Variants in DENND1A observed in about 807,000 individuals in gnomAD.
The protein encoded by DENND1A is DENN domain-containing protein 1A.
Under a neutral mutation model 113.7 loss-of-function variants are expected in DENND1A, and 51 were observed. The ratio of observed to expected loss-of-function variants is 0.45; its 90% CI spans 0.36 to 0.57. The LOEUF is 0.57. DENND1A is among the 20% of genes least tolerant of loss of function. The pLI, the probability that DENND1A is intolerant of heterozygous loss-of-function variation, is 0.00. For synonymous variants in DENND1A, 565 were observed against 570.8 expected (o/e 0.99, Z 0.14); for missense variants, 1,258 against 1,395.9 (o/e 0.90, Z 1.57).
At chr9:123,670,127 T>C (rs2063693945) in intron 7 of DENND1A, among the ~76,000 whole-genome samples, 1 of 152,236 alleles carries the variant, frequency 6.6e-6, no homozygotes, top group Admixed American at 6.5e-5. Flanking sequence ...AGATCTATTA[T>C]TAATTACTGG....
At chr9:123,394,743 T>C (rs528010353) in intron 21 of DENND1A, among the ~76,000 whole-genome samples, 34 of 152,314 alleles carry the variant, frequency 2.2e-4, no homozygotes, top group Non-Finnish European at 3.2e-4. Flanking sequence ...GGCTTCAGGC[T>C]CTGCGGTGGA....
chr9:123,398,063 G>C (rs986983807), intron 21 of DENND1A, among the ~76,000 whole-genome samples: 7 of 152,254 alleles, frequency 4.6e-5, no homozygotes, highest in South Asian at 2.1e-4. Flanking sequence ...TCCACAACCA[G>C]CTGCAAGCCC....
chr9:123,419,912 T>C (rs1468413805), intron 19 of DENND1A, among the ~76,000 whole-genome samples: 1 of 152,176 alleles, frequency 6.6e-6, no homozygotes, highest in Non-Finnish European at 1.5e-5. Context: ...ACTTCAGAGC[T>C]TCAGCCAGGG....
rs529574102 is a variant in DENND1A at position 123,720,338 on chromosome 9, T to C, written c.302+37365A>G. On this transcript the variant is annotated intron_variant, in intron 5 of 23. Transcript: ENST00000394215. ...AGGGCTCCGAGGGAAAATGCTCTTATTCTTTAATGGAGGAGGGTCTGTGCA... is the reference window on the plus strand; with the variant it reads ...AGGGCTCCGAGGGAAAATGCTCTTACTCTTTAATGGAGGAGGGTCTGTGCA... Among the ~76,000 whole-genome samples the C allele has an allele frequency of 3.3e-5, 5 of 152,280 alleles. No individual in the cohort carries two copies. The East Asian group carries it at 7.7e-4, about 24-fold the overall frequency.
At chr9:123,519,698 G>T (rs2054233185) in intron 13 of DENND1A, among the ~76,000 whole-genome samples, 1 of 152,020 alleles carries the variant, frequency 6.6e-6, no homozygotes, top group Non-Finnish European at 1.5e-5. Flanking sequence ...GATTACAGAT[G>T]TGAGCCACCA....
chr9:123,804,362 GA>G (rs1835191102), intron 2 of DENND1A, among the ~76,000 whole-genome samples: 1 of 152,180 alleles, frequency 6.6e-6, no homozygotes, highest in Non-Finnish European at 1.5e-5. Context: ...ATAGCAGCAT[GA>G]AAATGGACCA....
chr9:123,394,078 G>A (rs143345943), intron 21 of DENND1A, among the ~76,000 whole-genome samples: 2,938 of 151,706 alleles, frequency 0.019, 53 homozygotes, highest in African/African-American at 0.04. Context: ...TGCAACCTCC[G>A]CCTCATGTGT....
At chr9:123,800,981 G>A (rs902369466) in intron 2 of DENND1A, among the ~76,000 whole-genome samples, 8 of 152,116 alleles carry the variant, frequency 5.3e-5, no homozygotes, top group Non-Finnish European at 8.8e-5. Flanking sequence ...ATACAGGAGA[G>A]ACAATGCGGA....
chr9:123,729,577 G>A (rs967152662), intron 5 of DENND1A, among the ~76,000 whole-genome samples: 1 of 152,104 alleles, frequency 6.6e-6, no homozygotes, highest in Non-Finnish European at 1.5e-5. Context: ...TCTTCAAGGA[G>A]AACTACAAAC....
chr9:123,590,499 A>G (rs775867058), intron 11 of DENND1A, among the ~76,000 whole-genome samples: 4 of 152,164 alleles, frequency 2.6e-5, no homozygotes, highest in African/African-American at 7.2e-5. Context: ...TCCTTGATAA[A>G]TGGGGGATGA....
At chr9:123,687,160 A>G (rs144125945) in intron 5 of DENND1A, among the ~76,000 whole-genome samples, 79 of 152,322 alleles carry the variant, frequency 5.2e-4, no homozygotes, top group South Asian at 1.2e-3. Flanking sequence ...AAAGTAGGAT[A>G]TGAATGAAGC....
intron 2 of DENND1A, among the ~76,000 whole-genome samples, chr9:123,841,763 A>G (rs896531432): frequency 1.3e-5 from 2 of 152,136 alleles, no homozygotes; most frequent in East Asian, 3.8e-4. Flanking sequence ...GAGAAGAAAT[A>G]CCTAGTTTTT....
chr9:123,600,836 A>C (rs1270000318), intron 11 of DENND1A, among the ~76,000 whole-genome samples: 1 of 151,888 alleles, frequency 6.6e-6, no homozygotes, highest in Non-Finnish European at 1.5e-5. Context: ...ATCATAAAAA[A>C]AAAAAAGGTG....
At chr9:123,450,208 G>A (rs1588591058) in intron 18 of DENND1A, among the ~76,000 whole-genome samples, 1 of 152,180 alleles carries the variant, frequency 6.6e-6, no homozygotes, top group Non-Finnish European at 1.5e-5. Flanking sequence ...TGGTCCCCCA[G>A]GGCGAGGTAA....
chr9:123,629,955 G>C (rs1261622620), intron 10 of DENND1A, among the ~76,000 whole-genome samples: 1 of 152,168 alleles, frequency 6.6e-6, no homozygotes, highest in Non-Finnish European at 1.5e-5. Flanking sequence ...GTACTCTTCA[G>C]AGTGTCATGA....
At chr9:123,530,746 GAAACTGCAGATAGTATCGAACCCT>G (rs922924912) in intron 13 of DENND1A, among the ~76,000 whole-genome samples, 7 of 152,138 alleles carry the variant, frequency 4.6e-5, no homozygotes, top group African/African-American at 1.7e-4. Context: ...GTGTATACCT[GAAACTGCAGATAGTATCGAACCCT>G]AAACATACTA....
chr9:123,459,134 A>G (rs2048353241), intron 13 of DENND1A, among the ~76,000 whole-genome samples: 1 of 152,166 alleles, frequency 6.6e-6, no homozygotes, highest in African/African-American at 2.4e-5. Flanking sequence ...GCGCCATTGC[A>G]CTCCAGCCTG....
chr9:123,543,165 C>G (rs2056412344), intron 13 of DENND1A, among the ~76,000 whole-genome samples: 1 of 152,166 alleles, frequency 6.6e-6, no homozygotes, highest in African/African-American at 2.4e-5. Flanking sequence ...TAAAAATGAA[C>G]CCAGCTGGTA....
intron 11 of DENND1A, among the ~76,000 whole-genome samples, chr9:123,588,215 C>T (rs1263689875): frequency 7.3e-6 from 1 of 137,656 alleles, no homozygotes; most frequent in African/African-American, 2.8e-5. Flanking sequence ...GTGGAGGTTG[C>T]AGTGAGCCGA....
Sources: allele counts gnomAD v4.1 joint callset (sites outside exome capture counted in the v4.1 genomes callset), GRCh38; gene constraint gnomAD v4.1.1; transcripts MANE v1.5; gene names NCBI Gene and HGNC (gene_info 2026-07-23, HGNC 2026-07-21).